WSCD2: variants seen among roughly 807,000 people sequenced by gnomAD.
The protein encoded by WSCD2 is sialate:O-sulfotransferase 2.
Under a neutral mutation model 55.7 loss-of-function variants are expected in WSCD2, and 28 were observed. The observed-to-expected ratio is 0.50, with a 90% confidence interval of 0.37 to 0.69. WSCD2 has a LOEUF of 0.69. Ranked by LOEUF, WSCD2 falls within the 30% of genes least tolerant of loss-of-function variation. The pLI, the probability that WSCD2 is intolerant of heterozygous loss-of-function variation, is 0.00. For missense variants in WSCD2, 616 were observed against 762.1 expected (o/e 0.81, Z 2.26); for synonymous variants, 301 against 301.9 (o/e 1.00, Z 0.03).
chr12:108,162,820 A>G (rs1223180908), intron 1 of WSCD2, among the ~76,000 whole-genome samples: 1 of 152,232 alleles, frequency 6.6e-6, no homozygotes, highest in East Asian at 1.9e-4. Context: ...AGACCTGGTT[A>G]GCAAAGTACC....
At chr12:108,196,866 A>T (rs1239700430) in intron 2 of WSCD2, 1 of 152,198 alleles carries the variant, frequency 6.6e-6, no homozygotes, top group Non-Finnish European at 1.5e-5. Flanking sequence ...TTTTCACTAC[A>T]CTTCATGGGC....
chr12:108,208,276 G>A (rs950020254), intron 3 of WSCD2, among the ~76,000 whole-genome samples: 1 of 152,204 alleles, frequency 6.6e-6, no homozygotes, highest in Non-Finnish European at 1.5e-5. Context: ...CTTGTTCTGT[G>A]CCAGGCACTG....
chr12:108,135,602 C>T (rs1876108929), intron 1 of WSCD2, among the ~76,000 whole-genome samples: 1 of 152,220 alleles, frequency 6.6e-6, no homozygotes, highest in Non-Finnish European at 1.5e-5. Flanking sequence ...TAGGGGCCTC[C>T]AGATCCCAGA....
At chr12:108,217,941 C>T (rs1887043210) in intron 4 of WSCD2, among the ~76,000 whole-genome samples, 1 of 44,038 alleles carries the variant, frequency 2.3e-5, no homozygotes. Flanking sequence ...GCAGAGCTTC[C>T]TTCCTCTTCC....
intron 7 of WSCD2, 148 bp from the exon 8 acceptor site, chr12:108,240,196 G>C: frequency 1.0e-6 from 1 of 952,984 alleles, no homozygotes; most frequent in Non-Finnish European, 1.6e-6. Context: ...CTAGCACAGT[G>C]CCTGGCACAT....
intron 1 of WSCD2, among the ~76,000 whole-genome samples, chr12:108,145,942 G>A (rs749821384): frequency 5.3e-5 from 8 of 152,192 alleles, no homozygotes; most frequent in Non-Finnish European, 1.2e-4. Flanking sequence ...AGTGTTTAGG[G>A]ATGCAGGCAT....
chr12:108,166,053 G>T (rs1879566005), intron 1 of WSCD2, among the ~76,000 whole-genome samples: 2 of 152,330 alleles, frequency 1.3e-5, no homozygotes, highest in African/African-American at 4.8e-5. Flanking sequence ...CTTTATGATA[G>T]AATGGTATTT....
chr12:108,153,824 A>C (rs570048219), intron 1 of WSCD2, among the ~76,000 whole-genome samples: 48 of 152,172 alleles, frequency 3.2e-4, no homozygotes, highest in African/African-American at 1.1e-3. Context: ...GGGAAGCAGA[A>C]AGCTCATTGA....
At chr12:108,222,136 G>C (rs1218949982) in intron 4 of WSCD2, among the ~76,000 whole-genome samples, 2 of 152,150 alleles carry the variant, frequency 1.3e-5, no homozygotes, top group Non-Finnish European at 2.9e-5. Context: ...TACTCAGGGA[G>C]TTATTCCATA....
intron 1 of WSCD2, among the ~76,000 whole-genome samples, chr12:108,181,308 T>C (rs1164651320): frequency 1.3e-5 from 2 of 150,418 alleles, no homozygotes; most frequent in Non-Finnish European, 3.0e-5. Flanking sequence ...GTGTGGGGGG[T>C]GTTCATCTAA....
intron 6 of WSCD2, among the ~76,000 whole-genome samples, chr12:108,229,902 C>T (rs1418276708): frequency 1.3e-5 from 2 of 151,414 alleles, no homozygotes; most frequent in Admixed American, 6.6e-5. Flanking sequence ...CCAGAAAAGT[C>T]GGAAGAATTA....
intron 7 of WSCD2, among the ~76,000 whole-genome samples, chr12:108,238,337 C>G (rs1889429705): frequency 6.6e-6 from 1 of 152,216 alleles, no homozygotes; most frequent in Non-Finnish European, 1.5e-5. Flanking sequence ...CAGAATGGAA[C>G]CTGACTGAAG....
At chr12:108,212,705 A>G (rs1000846170) in intron 4 of WSCD2, among the ~76,000 whole-genome samples, 5 of 151,880 alleles carry the variant, frequency 3.3e-5, no homozygotes, top group Non-Finnish European at 7.4e-5. Context: ...GCCATGGGTG[A>G]GCTGGGGGGC....
At chr12:108,161,006 A>T (rs1879000386) in intron 1 of WSCD2, among the ~76,000 whole-genome samples, 1 of 152,220 alleles carries the variant, frequency 6.6e-6, no homozygotes, top group Non-Finnish European at 1.5e-5. Context: ...AGATGAAAGC[A>T]AGTGTATGGA....
intron 1 of WSCD2, among the ~76,000 whole-genome samples, chr12:108,163,052 T>C (rs1031385119): frequency 1.3e-5 from 2 of 152,176 alleles, no homozygotes; most frequent in Admixed American, 1.3e-4. Flanking sequence ...CGTATTCCTA[T>C]GGACATGAAG....
intron 1 of WSCD2, among the ~76,000 whole-genome samples, chr12:108,179,724 GC>G (rs1298857965): frequency 2.0e-5 from 3 of 152,218 alleles, no homozygotes; most frequent in Admixed American, 1.3e-4. Context: ...GAGCCACACA[GC>G]CCTAGGTTGA....
intron 1 of WSCD2, among the ~76,000 whole-genome samples, chr12:108,163,245 TG>T (rs1348026498): frequency 4.6e-5 from 7 of 152,262 alleles, no homozygotes; most frequent in Admixed American, 3.3e-4. Context: ...GGCGGGCACC[TG>T]TAGTCCCAGC....
At chr12:108,214,190 T>A (rs1431294357) in intron 4 of WSCD2, among the ~76,000 whole-genome samples, 1 of 152,216 alleles carries the variant, frequency 6.6e-6, no homozygotes. Context: ...TAACACTGTG[T>A]CCTAATTGTG....
chr12:108,243,064 C>G (rs905904646), intron 8 of WSCD2, among the ~76,000 whole-genome samples: 1 of 152,204 alleles, frequency 6.6e-6, no homozygotes, highest in African/African-American at 2.4e-5. Flanking sequence ...GCCCATTCTT[C>G]CCCTTTGCAT....
Sources: allele counts gnomAD v4.1 joint callset (sites outside exome capture counted in the v4.1 genomes callset), GRCh38; gene constraint gnomAD v4.1.1; transcripts MANE v1.5; gene names NCBI Gene and HGNC (gene_info 2026-07-23, HGNC 2026-07-21).